The following SMAD9 variants were observed in gnomAD, a reference collection of about 807,000 sequenced individuals.
The protein encoded by SMAD9 is MAD homolog 9.
Under a neutral mutation model 46.1 loss-of-function variants are expected in SMAD9, and 36 were observed. The ratio of observed to expected loss-of-function variants is 0.78; its 90% confidence interval spans 0.60 to 1.03. The LOEUF (loss-of-function observed/expected upper bound fraction) is 1.03, where lower values mean the gene tolerates loss of function less well. Among genes scored for constraint, SMAD9 ranks in the 50% least tolerant of loss-of-function variants. SMAD9 has a pLI of 0.00. For synonymous variants in SMAD9, 245 were observed against 237.1 expected (o/e 1.03, Z -0.31); for missense variants, 572 against 599.8 (o/e 0.95, Z 0.48).
chr13:36,875,645 G>C lies in SMAD9; in HGVS notation c.413-2730C>G, dbSNP rs114470231. 8.7e-4 allele frequency among the ~76,000 whole-genome samples: 133 copies of C among 152,254 alleles called. 2 individuals are homozygous for C. Among genetic ancestry groups the C allele is most frequent in the African/African-American group, 3.2e-3 (131 of 41,534 alleles). Reference sequence around the variant, plus strand: ...CACAGCGAATGTGTATGGCTTCTTTGTCAATGACCCTTCATCAAAATGTTA... The same window carrying C: ...CACAGCGAATGTGTATGGCTTCTTTCTCAATGACCCTTCATCAAAATGTTA... On this transcript the variant is annotated intron_variant, in intron 2 of 6. Coordinates refer to ENST00000379826, the MANE Select transcript of SMAD9 (RefSeq NM_001127217.3).
rs1406826801 is a variant in SMAD9 at position 36,845,454 on chromosome 13, C to CAA, written c.*3220_*3221dup. 2 of 151,806 alleles carry CAA rather than the reference C, an allele frequency of 1.3e-5. No homozygotes were observed. Among genetic ancestry groups the CAA allele is most frequent in the Non-Finnish European group, 2.9e-5 (2 of 67,960 alleles). The allele number at this position is 151,806 out of a possible 1,614,324, so 9.4% of individuals were successfully genotyped here. ...ATTTTTTAACAGAAAAATAATAAAC[C>CAA]AACAACAAAAACTGATCAATGTTCT... On this transcript the variant is annotated 3_prime_UTR_variant, in exon 7 of 7. Coordinates refer to ENST00000379826, the MANE Select transcript of SMAD9 (RefSeq NM_001127217.3).
rs2058386976 is a variant in SMAD9, at chr13:36,879,787, C to T, written c.-98G>A. 7.4e-7 allele frequency: 1 copy of T among 1,343,076 alleles called. No individual in the cohort carries two copies. Among genetic ancestry groups the T allele is most frequent in the African/African-American group, 1.4e-5 (1 of 69,684 alleles). The allele number at this position is 1,343,076 out of a possible 1,614,324, so 83.2% of individuals were successfully genotyped here. A position where few individuals can be genotyped will look rare whatever the true frequency, so the allele number is the denominator to read the frequency against. On this transcript the variant is annotated 5_prime_UTR_variant, in exon 2 of 7. Transcript: ENST00000379826. ...TCTCCAGGGGTGGCATAGGGACCAA[C>T]CCGCCCGTTCTTCTGGGAGCAGCTG...
In SMAD9 at chr13:36,865,582, T is replaced by C; in HGVS notation, c.958A>G (p.Asn320Asp). The change falls in exon 5 of 7, where the codon AAC becomes GAC. Residue 320 changes from asparagine to aspartate, a missense_variant. Asn to Asp is a conservative substitution (Grantham distance 23, BLOSUM62 1). Coordinates refer to ENST00000379826, the MANE Select transcript of SMAD9 (RefSeq NM_001127217.3). ...RFCLGLLSNV[N>D]RNSTIENTRR... is the part of the protein sequence containing the mutation. ...GTATTTTCTATCGTTGAGTTTCTGTTTACATTAGAAAGAAGTCCAAGACAG... is the reference window on the plus strand; with the variant it reads ...GTATTTTCTATCGTTGAGTTTCTGTCTACATTAGAAAGAAGTCCAAGACAG... The C allele has an allele frequency of 6.2e-7, 1 of 1,614,160 alleles. No homozygotes were observed. Among genetic ancestry groups the C allele is most frequent in the Non-Finnish European group, 8.5e-7 (1 of 1,179,988 alleles).
In SMAD9 at chr13:36,848,711, C is replaced by T. The variant is rs2138252266; in HGVS notation, c.1369G>A (p.Gly457Ser). ...GAAGAAATGGGGTTATGTGGAGAGC[C>T]CATCTGAGTCAGAACTTTGTCCAGC... ...QWLDKVLTQM[G>S]SPHNPISSVS Residue 457 changes from glycine to serine, a missense_variant, in exon 7 of 7, where the codon GGC (glycine) becomes AGC (serine). Coordinates refer to ENST00000379826, the MANE Select transcript of SMAD9 (RefSeq NM_001127217.3). 1 of 1,614,080 alleles carries T rather than the reference C, an allele frequency of 6.2e-7. No individual in the cohort carries two copies. The highest frequency in any genetic ancestry group is 8.5e-7 in the Non-Finnish European group (1 of 1,179,974).
chr13:36,872,547 TTATACTA>T, intron 3 of SMAD9, 104 bp downstream of exon 3: 1 of 1,270,568 alleles, frequency 7.9e-7, no homozygotes, highest in South Asian at 1.2e-5. Flanking sequence ...TGTAAACTGT[TTATACTA>T]TATGAATGAC....
At chr13:36,886,415 C>T (rs1232475606) in intron 1 of SMAD9, among the ~76,000 whole-genome samples, 1 of 152,198 alleles carries the variant, frequency 6.6e-6, no homozygotes, top group Non-Finnish European at 1.5e-5. Flanking sequence ...AGAGAGAAGC[C>T]CTCCAAGATC....
At chr13:36,909,140 A>G (rs2058640957) in intron 1 of SMAD9, among the ~76,000 whole-genome samples, 1 of 152,222 alleles carries the variant, frequency 6.6e-6, no homozygotes, top group African/African-American at 2.4e-5. Context: ...TATTTTTTAA[A>G]TTAAAGAAAC....
intron 1 of SMAD9, among the ~76,000 whole-genome samples, chr13:36,893,576 T>G (rs1379682025): frequency 3.3e-5 from 5 of 151,386 alleles, no homozygotes; most frequent in Non-Finnish European, 7.4e-5. Flanking sequence ...CGAAATAATC[T>G]TACAATTGAA....
intron 1 of SMAD9, among the ~76,000 whole-genome samples, chr13:36,893,455 T>TAC (rs1188066977): frequency 2.4e-4 from 35 of 147,970 alleles, no homozygotes; most frequent in South Asian, 2.3e-3. Flanking sequence ...TATATATATA[T>TAC]ACACATAAAG....
At chr13:36,869,581 C>A (rs190794314) in intron 3 of SMAD9, among the ~76,000 whole-genome samples, 3 of 151,990 alleles carry the variant, frequency 2.0e-5, no homozygotes, top group Non-Finnish European at 2.9e-5. Flanking sequence ...GCCTATAATC[C>A]CAGCACTTTC....
At chr13:36,883,905 T>C (rs955167274) in intron 1 of SMAD9, among the ~76,000 whole-genome samples, 1 of 152,182 alleles carries the variant, frequency 6.6e-6, no homozygotes, top group African/African-American at 2.4e-5. Context: ...CGTCATGCTG[T>C]CTCTCTGGAC....
rs571684217 is a variant in SMAD9 at position 36,863,976 on chromosome 13, T to C, written c.1003+1561A>G. On this transcript the variant is annotated intron_variant, in intron 5 of 6. Transcript: ENST00000379826. The stretch of plus-strand genomic sequence containing the variant: ...TTGCAGACAGGTTCCTAGAACACAT[T>C]CAGCACTCCTTTAATACTTTAATCC... Among the ~76,000 whole-genome samples the C allele has an allele frequency of 3.9e-5, 6 of 152,324 alleles. No individual in the cohort carries two copies. In the South Asian group the frequency reaches 1.2e-3, roughly 32 times the overall value.
chr13:36,887,085 G>A (rs1001619943), intron 1 of SMAD9, among the ~76,000 whole-genome samples: 2 of 137,974 alleles, frequency 1.4e-5, no homozygotes, highest in Admixed American at 8.2e-5. Context: ...GTCCAGGCTG[G>A]TCTTGAACTC....
intron 5 of SMAD9, among the ~76,000 whole-genome samples, chr13:36,856,128 C>G (rs1035826896): frequency 2.0e-5 from 3 of 152,144 alleles, no homozygotes; most frequent in African/African-American, 7.2e-5. Context: ...CAGGCCAGGG[C>G]AAAATGCAAA....
At chr13:36,910,475 T>G (rs2058652781) in intron 1 of SMAD9, among the ~76,000 whole-genome samples, 1 of 152,038 alleles carries the variant, frequency 6.6e-6, no homozygotes, top group African/African-American at 2.4e-5. Flanking sequence ...TGAGTCTGTA[T>G]CCATACATTT....
At chr13:36,886,790 G>A (rs753420879) in intron 1 of SMAD9, among the ~76,000 whole-genome samples, 44 of 152,234 alleles carry the variant, frequency 2.9e-4, no homozygotes, top group Admixed American at 2.3e-3. Flanking sequence ...TCAAGAGGAC[G>A]AGAAAGTGCG....
intron 1 of SMAD9, among the ~76,000 whole-genome samples, chr13:36,891,579 G>A (rs1049636993): frequency 3.3e-5 from 5 of 152,108 alleles, no homozygotes; most frequent in Non-Finnish European, 7.4e-5. Context: ...TAAAACTCTG[G>A]GCCAGGCCAG....
intron 5 of SMAD9, among the ~76,000 whole-genome samples, chr13:36,855,667 GTTACTGACA>G (rs1270425422): frequency 1.3e-5 from 2 of 152,172 alleles, no homozygotes; most frequent in Admixed American, 1.3e-4. Flanking sequence ...TCTAGGAAAC[GTTACTGACA>G]TAGCTGCTGG....
chr13:36,899,156 G>C (rs2058553559), intron 1 of SMAD9, among the ~76,000 whole-genome samples: 1 of 152,046 alleles, frequency 6.6e-6, no homozygotes, highest in Non-Finnish European at 1.5e-5. Context: ...ATTAAAAAGT[G>C]AAAACATTTA....
Sources: gnomAD v4.1 joint callset for allele counts (sites outside exome capture counted in the v4.1 genomes callset) on GRCh38, gnomAD v4.1.1 for gene constraint, MANE v1.5 for transcripts, NCBI Gene and HGNC (gene_info 2026-07-23, HGNC 2026-07-21) for gene names.